BCL11A: variants seen among roughly 807,000 people sequenced by gnomAD.
The protein encoded by BCL11A is B cell CLL/lymphoma 11A.
In BCL11A, 2 loss-of-function variants were observed where a neutral mutation model predicts 55.9. That is an observed-to-expected ratio of 0.04 (90% CI 0.01 to 0.11). The LOEUF (loss-of-function observed/expected upper bound fraction) is 0.11. BCL11A is among the 10% of genes least tolerant of loss of function. BCL11A has a pLI of 1.00. For synonymous variants in BCL11A, 465 were observed against 473.4 expected (o/e 0.98, Z 0.23); for missense variants, 817 against 1,137.1 (o/e 0.72, Z 4.05).
intron 2 of BCL11A, among the ~76,000 whole-genome samples, chr2:60,474,395 C>T (rs1315969298): frequency 6.6e-6 from 1 of 152,122 alleles, no homozygotes; most frequent in African/African-American, 2.4e-5. Context: ...AGATTTCCCA[C>T]TAAAAGGCAA....
intron 2 of BCL11A, among the ~76,000 whole-genome samples, chr2:60,508,380 A>G (rs1413563382): frequency 6.6e-6 from 1 of 152,288 alleles, no homozygotes. Context: ...GGGCCACAGG[A>G]GCAAGCACTG....
chr2:60,494,198 G>A (rs1437390746), intron 2 of BCL11A, among the ~76,000 whole-genome samples: 1 of 152,126 alleles, frequency 6.6e-6, no homozygotes, highest in East Asian at 1.9e-4. Flanking sequence ...ACATCCTTGA[G>A]CTACACAGGC....
rs1306063949 is a variant in BCL11A at position 60,459,487 on chromosome 2, TTAAAC to T, written c.*912_*916del. On this transcript the variant is annotated 3_prime_UTR_variant, in exon 4 of 4. Transcript: ENST00000642384. ...GGTATAATCAGTTTTGTTTATAAAA[TTAAAC>T]TAAAGGAAAAATGATGATTAACTAG... The T allele has an allele frequency of 3.9e-6, 4 of 1,020,976 alleles. No individual in the cohort carries two copies. In the African/African-American group the frequency reaches 6.8e-5, roughly 17 times the overall value. 63.2% of individuals were successfully genotyped at this position (1,020,976 alleles called of 1,614,324 possible).
chr2:60,491,144 T>C (rs1427722534), intron 2 of BCL11A, among the ~76,000 whole-genome samples: 1 of 152,190 alleles, frequency 6.6e-6, no homozygotes, highest in Admixed American at 6.5e-5. Flanking sequence ...CCCAACTACG[T>C]GGTTGTGCAA....
At chr2:60,551,846 G>T (rs919257054) in intron 1 of BCL11A, among the ~76,000 whole-genome samples, 4 of 150,596 alleles carry the variant, frequency 2.7e-5, no homozygotes, top group Non-Finnish European at 4.4e-5. Context: ...CCCGGGCGAG[G>T]CCAGGCCGCC....
intron 2 of BCL11A, among the ~76,000 whole-genome samples, chr2:60,521,478 G>A (rs1382806584): frequency 6.6e-6 from 1 of 152,188 alleles, no homozygotes; most frequent in Non-Finnish European, 1.5e-5. Flanking sequence ...CGGGCTGCAC[G>A]AAGCCCACCA....
intron 1 of BCL11A, among the ~76,000 whole-genome samples, chr2:60,553,004 G>A (rs1573109299): frequency 6.6e-6 from 1 of 151,800 alleles, no homozygotes; most frequent in African/African-American, 2.4e-5. Flanking sequence ...TAAAAGGTGC[G>A]TGCTGTCTCA....
intron 2 of BCL11A, chr2:60,538,599 T>C (rs1363964760): frequency 2.6e-5 from 4 of 152,182 alleles, no homozygotes; most frequent in African/African-American, 9.7e-5. Flanking sequence ...TCAAGCAATG[T>C]GGACTCAAAA....
chr2:60,479,092 C>T (rs1677800238), intron 2 of BCL11A, among the ~76,000 whole-genome samples: 1 of 152,182 alleles, frequency 6.6e-6, no homozygotes, highest in Middle Eastern at 3.2e-3. Flanking sequence ...AACCTGCCAT[C>T]ATTGGAGCAG....
chr2:60,512,502 TCCCGGCTCCCCTCCCAA>T (rs1680043293), intron 2 of BCL11A, among the ~76,000 whole-genome samples: 1 of 152,174 alleles, frequency 6.6e-6, no homozygotes, highest in Non-Finnish European at 1.5e-5. Flanking sequence ...ATGCTTGCCT[TCCCGGCTCCCCTCCCAA>T]CCCAGAACCT....
chr2:60,467,953 ACTGGTG>A (rs1676931989), intron 3 of BCL11A, among the ~76,000 whole-genome samples: 4 of 37,752 alleles, frequency 1.1e-4, no homozygotes, highest in Non-Finnish European at 1.8e-4. Context: ...TGGTGATGGT[ACTGGTG>A]GTGATGGTGG....
chr2:60,540,134 CT>C (rs913210087), intron 2 of BCL11A, among the ~76,000 whole-genome samples: 9 of 151,468 alleles, frequency 5.9e-5, no homozygotes, highest in Non-Finnish European at 1.2e-4. Context: ...AAGTTAGAAT[CT>C]TTTTTTTTAA....
At chr2:60,453,472 C>T (rs932529978), downstream of BCL11A, among the ~76,000 whole-genome samples, 1 of 152,194 alleles carries the variant, frequency 6.6e-6, no homozygotes, top group Non-Finnish European at 1.5e-5. Flanking sequence ...CTCCTCTCCC[C>T]TGACTTGGCG....
Position 60,459,548 on chromosome 2 carries a change from T to C in BCL11A, c.*856A>G, listed in dbSNP as rs142636119. ...AATGGGTCATCTTTTTAGGTAGCCA[T>C]TGTTGTGAGAAATACAATATAGAAT... On this transcript the variant is annotated 3_prime_UTR_variant, in exon 4 of 4. Transcript: ENST00000642384. The C allele has an allele frequency of 5.6e-4, 578 of 1,024,610 alleles. 8 individuals carry two copies. The African/African-American group carries it at 9.2e-3, about 16-fold the overall frequency. 63.5% of individuals were successfully genotyped at this position (1,024,610 alleles called of 1,614,324 possible). A position where few individuals can be genotyped will look rare whatever the true frequency, so the allele number is the denominator to read the frequency against.
At chr2:60,548,833 A>G (rs1325671582) in intron 1 of BCL11A, among the ~76,000 whole-genome samples, 2 of 152,216 alleles carry the variant, frequency 1.3e-5, no homozygotes, top group East Asian at 3.8e-4. Flanking sequence ...TGAAAATACA[A>G]TTCTCATGGT....
chr2:60,498,473 G>A (rs1679083978), intron 2 of BCL11A, among the ~76,000 whole-genome samples: 1 of 152,208 alleles, frequency 6.6e-6, no homozygotes, highest in Admixed American at 6.5e-5. Flanking sequence ...GGAGCTCACA[G>A]CCTCCAAGCA....
intron 2 of BCL11A, chr2:60,543,185 A>G (rs566050870): frequency 6.6e-6 from 1 of 152,272 alleles, no homozygotes; most frequent in East Asian, 1.9e-4. Context: ...AAGATCTGTC[A>G]CTGTTTTATT....
chr2:60,517,379 G>A (rs377124978), intron 2 of BCL11A, among the ~76,000 whole-genome samples: 11 of 152,300 alleles, frequency 7.2e-5, no homozygotes, highest in East Asian at 1.9e-4. Flanking sequence ...GACCAGCCCC[G>A]AAAAAGGGCA....
At chr2:60,538,280 G>C (rs1669760262) in intron 2 of BCL11A, 1 of 152,260 alleles carries the variant, frequency 6.6e-6, no homozygotes, top group African/African-American at 2.4e-5. Flanking sequence ...CTGAGGCCCA[G>C]CCTAGCTCTG....
Sources: allele counts gnomAD v4.1 joint callset (sites outside exome capture counted in the v4.1 genomes callset), GRCh38; gene constraint gnomAD v4.1.1; transcripts MANE v1.5; gene names NCBI Gene and HGNC (gene_info 2026-07-23, HGNC 2026-07-21).